AHNAK: variants seen among roughly 807,000 people sequenced by gnomAD.
AHNAK encodes AHNAK nucleoprotein, also known as neuroblast differentiation-associated protein AHNAK.
A neutral mutation model predicts 37.8 loss-of-function variants in AHNAK; 23 were observed. That is an observed-to-expected ratio of 0.61 (90% CI 0.44 to 0.86). The LOEUF is 0.86. Among genes scored for constraint, AHNAK ranks in the 40% least tolerant of loss-of-function variants. The pLI is 0.00. For missense variants in AHNAK, 7,411 were observed against 7,319.4 expected, an observed-to-expected ratio of 1.01 and a Z score of -0.46; for synonymous variants, 2,481 against 2,636.3, an observed-to-expected ratio of 0.94 and a Z score of 1.80.
At chr11:62,463,007 C>G (rs139923143) in intron 5 of AHNAK, among the ~76,000 whole-genome samples, 2,138 of 151,874 alleles carry the variant, frequency 0.014, 42 homozygotes, top group African/African-American at 0.05. Context: ...GCCTGTAATC[C>G]CAGCTACTCG....
intron 4 of AHNAK, among the ~76,000 whole-genome samples, chr11:62,509,991 T>C (rs986354944): frequency 2.0e-5 from 3 of 152,218 alleles, no homozygotes; most frequent in African/African-American, 7.2e-5. Flanking sequence ...ATATACTACA[T>C]ATTAGATAAT....
chr11:62,443,661 T>C (rs113294455), intron 5 of AHNAK, among the ~76,000 whole-genome samples: 4,231 of 152,192 alleles, frequency 0.028, 198 homozygotes, highest in African/African-American at 0.095. Context: ...GCCACTGCCA[T>C]AGCATCTTCC....
chr11:62,453,032 G>A (rs763357213), intron 5 of AHNAK, among the ~76,000 whole-genome samples: 1 of 151,912 alleles, frequency 6.6e-6, no homozygotes, highest in Non-Finnish European at 1.5e-5. Context: ...CAACAAAAAA[G>A]GTGTTTCAGC....
Position 62,527,576 on chromosome 11 carries a change from C to A in AHNAK, c.6841G>T (p.Val2281Phe), listed in dbSNP as rs776994841. 21 of 1,613,150 alleles carry A rather than the reference C, an allele frequency of 1.3e-5. 1 individual carries two copies. In the South Asian group the frequency reaches 1.4e-4, roughly 11 times the overall value. ...DVDVSGPKVDVEVPDVSLEGP... is the reference protein window; with the variant it reads ...DVDVSGPKVDFEVPDVSLEGP... The stretch of plus-strand genomic sequence containing the variant: ...TCAAGGCTCACATCTGGGACTTCAA[C>A]ATCCACCTTGGGTCCTGAGACATCA... Residue 2281 changes from valine (V) to phenylalanine (F), a missense_variant, in exon 5 of 5, where the codon GTT becomes TTT. Physicochemically the swap from Val to Phe is conservative, Grantham distance 50. Transcript: ENST00000378024.
In AHNAK at chr11:62,519,896, C is replaced by T; in HGVS notation, c.14521G>A (p.Glu4841Lys). The T allele has an allele frequency of 6.2e-7, 1 of 1,614,002 alleles. No individual in the cohort carries two copies. The highest frequency in any genetic ancestry group is 8.5e-7 in the Non-Finnish European group (1 of 1,179,936). Residue 4841 changes from glutamate to lysine, a missense_variant, in exon 5 of 5, where the codon GAA (glutamate) becomes AAA (lysine). Coordinates refer to ENST00000378024, the MANE Select transcript of AHNAK (RefSeq NM_001620.3). ...ATCTTGGGAGCTTTGATATTTATTT[C>T]AGGCATCTTGAACTTGGGGCCCTTC... ...KLKGPKFKMPEINIKAPKISI... is the reference protein window; with the variant it reads ...KLKGPKFKMPKINIKAPKISI...
At chr11:62,461,942 T>A (rs1938799717) in intron 5 of AHNAK, among the ~76,000 whole-genome samples, 1 of 152,020 alleles carries the variant, frequency 6.6e-6, no homozygotes, top group African/African-American at 2.4e-5. Context: ...CCATGTGGAA[T>A]CCTTGGGGAA....
intron 4 of AHNAK, among the ~76,000 whole-genome samples, chr11:62,505,080 A>T (rs1939785117): frequency 6.6e-6 from 1 of 152,086 alleles, no homozygotes; most frequent in African/African-American, 2.4e-5. Flanking sequence ...GAAAGCGCGC[A>T]ATGAAAGGCC....
At chr11:62,468,419 G>A (rs1372062793) in intron 5 of AHNAK, among the ~76,000 whole-genome samples, 1 of 151,842 alleles carries the variant, frequency 6.6e-6, no homozygotes. Flanking sequence ...ACTACAGTAA[G>A]AGCTAGGGTT....
intron 5 of AHNAK, among the ~76,000 whole-genome samples, chr11:62,479,458 T>C (rs1446712440): frequency 1.0e-5 from 1 of 98,232 alleles, no homozygotes; most frequent in Non-Finnish European, 2.5e-5. Flanking sequence ...TGAGCTACCC[T>C]GCCCAGCCCC....
At chr11:62,455,895 T>C (rs1938648285) in intron 5 of AHNAK, among the ~76,000 whole-genome samples, 1 of 142,848 alleles carries the variant, frequency 7.0e-6, no homozygotes, top group South Asian at 2.2e-4. Flanking sequence ...CAAAATTAAC[T>C]AGCTGTGGTG....
rs190662366 is a variant in AHNAK, at chr11:62,542,902, G to A, written c.-100+3758C>T. On this transcript the variant is annotated intron_variant, in intron 1 of 4. Transcript: ENST00000378024. ...GAAGCTGCCTGTCTGCCCCACCCAA[G>A]GCCGGGATCTGGGGAGGGCGCTGCT... 1.4e-4 allele frequency among the ~76,000 whole-genome samples: 22 copies of A among 152,298 alleles called. No individual in the cohort carries two copies. In the East Asian group the frequency reaches 3.9e-3, roughly 27 times the overall value.
At chr11:62,502,763 C>G (rs1939735600) in intron 4 of AHNAK, among the ~76,000 whole-genome samples, 1 of 152,114 alleles carries the variant, frequency 6.6e-6, no homozygotes, top group Admixed American at 6.5e-5. Context: ...TGAGCTGAAA[C>G]CCAAAGGATG....
intron 5 of AHNAK, among the ~76,000 whole-genome samples, chr11:62,448,790 C>A (rs72925328): frequency 0.044 from 6,667 of 152,230 alleles, 228 homozygotes; most frequent in Middle Eastern, 0.11. Context: ...TCTGGGAAGG[C>A]CGGGCACAGT....
chr11:62,482,353 T>G (rs1372403279), intron 5 of AHNAK, among the ~76,000 whole-genome samples: 1 of 151,732 alleles, frequency 6.6e-6, no homozygotes, highest in Non-Finnish European at 1.5e-5. Context: ...AGGCAAAGGT[T>G]GCAGTGAGCT....
rs377332726 is a variant in AHNAK, at chr11:62,520,724, G to A, written c.13693C>T (p.Pro4565Ser). 2 of 1,614,118 alleles carry A rather than the reference G, an allele frequency of 1.2e-6. No homozygotes were observed. The highest frequency in any genetic ancestry group is 1.1e-5 in the South Asian group (1 of 91,082). Residue 4565 changes from proline (P) to serine (S), a missense_variant, in exon 5 of 5, where the codon CCT (proline) becomes TCT (serine). Pro to Ser is a moderately conservative substitution (Grantham distance 74). Coordinates refer to ENST00000378024, the MANE Select transcript of AHNAK (RefSeq NM_001620.3). ...TCTGGACCATGAATGTCAATATCAG[G>A]AGTGTCAATGCCCACTTTAGGGCCT... ...VKGPKVGIDT[P>S]DIDIHGPEGK...
At chr11:62,486,758 GT>G (rs11288520) in intron 5 of AHNAK, among the ~76,000 whole-genome samples, 143,563 of 149,728 alleles carry the variant, frequency 0.96, 69,015 homozygotes, top group Admixed American at 0.97. Flanking sequence ...TTTACCACCA[GT>G]TTTTTTTTTT....
Position 62,530,156 on chromosome 11 carries a change from C to T in AHNAK, c.4261G>A (p.Glu1421Lys). ...CCTTCAATATTCACATCTGGAACTTCAGCATCCATTTTGGGTCCTGAGACA... is the reference window on the plus strand; with the variant it reads ...CCTTCAATATTCACATCTGGAACTTTAGCATCCATTTTGGGTCCTGAGACA... ...VDVSGPKMDA[E>K]VPDVNIEGPD... The change falls in exon 5 of 5, where the codon GAA becomes AAA. Residue 1421 changes from glutamate (E) to lysine (K), a missense_variant. Glu to Lys is a moderately conservative substitution (Grantham distance 56). Transcript: ENST00000378024. 2 of 1,614,014 alleles carry T rather than the reference C, an allele frequency of 1.2e-6. No individual in the cohort carries two copies. Among genetic ancestry groups the T allele is most frequent in the Non-Finnish European group, 1.7e-6 (2 of 1,180,016 alleles).
intron 5 of AHNAK, among the ~76,000 whole-genome samples, chr11:62,474,255 G>C (rs1214986376): frequency 2.0e-5 from 3 of 151,240 alleles, no homozygotes; most frequent in African/African-American, 7.3e-5. Context: ...CACGATCTTG[G>C]CTCACTGCAA....
rs1940859476 is a variant in AHNAK, at chr11:62,533,891, T to C, written c.526A>G (p.Ser176Gly). The C allele has an allele frequency of 6.2e-7, 1 of 1,614,124 alleles. No homozygotes were observed. Among genetic ancestry groups the C allele is most frequent in the South Asian group, 1.1e-5 (1 of 91,090 alleles). Reference protein sequence around the residue: ...GREGAKDIDISSPEFKIKIPR... With the variant: ...GREGAKDIDIGSPEFKIKIPR... The stretch of plus-strand genomic sequence containing the variant: ...ATCTTGATCTTGAATTCAGGGCTAC[T>C]GATGTCTATGTCCTTGGCTCCTTCC... The change falls in exon 5 of 5, where the codon AGT becomes GGT. Residue 176 changes from serine (S) to glycine (G), a missense_variant. By Grantham distance (56) the Ser-to-Gly change is moderately conservative. Transcript: ENST00000378024.
Sources: allele counts gnomAD v4.1 joint callset (sites outside exome capture counted in the v4.1 genomes callset), GRCh38; gene constraint gnomAD v4.1.1; transcripts MANE v1.5; gene names NCBI Gene and HGNC (gene_info 2026-07-23, HGNC 2026-07-21).